The following SGCZ variants were observed in gnomAD, a reference collection of about 807,000 sequenced individuals.
SGCZ encodes sarcoglycan zeta, also known as zeta-sarcoglycan.
SGCZ carries 40 observed loss-of-function variants against 41.3 expected under a neutral mutation model. The observed-to-expected ratio is 0.97, with a 90% CI of 0.75 to 1.26. SGCZ has a LOEUF of 1.26. SGCZ is among the 50% of genes most tolerant of loss of function. The pLI is 0.00. For synonymous variants in SGCZ, 206 were observed against 137.5 expected, an observed-to-expected ratio of 1.50 and a Z score of -3.49; for missense variants, 552 against 369.8, an observed-to-expected ratio of 1.49 and a Z score of -4.04.
chr8:14,616,151 C>T (rs1417290694), intron 1 of SGCZ, among the ~76,000 whole-genome samples: 3 of 151,820 alleles, frequency 2.0e-5, no homozygotes, highest in South Asian at 2.1e-4. Context: ...GGCGTGGGAG[C>T]GGGCGCCTCT....
chr8:14,479,731 C>CTTCTTT (rs1421864084), intron 2 of SGCZ, among the ~76,000 whole-genome samples: 2 of 52,976 alleles, frequency 3.8e-5, no homozygotes, highest in African/African-American at 1.0e-4. Context: ...AATTCTACTT[C>CTTCTTT]TTTTTTTTTT....
intron 1 of SGCZ, among the ~76,000 whole-genome samples, chr8:15,066,133 C>G (rs1241222726): frequency 6.6e-6 from 1 of 151,484 alleles, no homozygotes; most frequent in African/African-American, 2.4e-5. Context: ...AAGGTGAAAC[C>G]CCGTCTCTAC....
At chr8:14,432,612 A>G (rs1466027123) in intron 2 of SGCZ, among the ~76,000 whole-genome samples, 1 of 152,112 alleles carries the variant, frequency 6.6e-6, no homozygotes, top group Non-Finnish European at 1.5e-5. Flanking sequence ...AATCTCACAA[A>G]TCCCTACTAA....
rs1189842953 is a variant in SGCZ, at chr8:14,325,743, CACACATATATATATATATATAT to C, written c.235-1561_235-1540del. ...ATACACACACACACACACACACACA[CACACATATATATATATATATAT>C]ATATATATATATATATATATATATA... On this transcript the variant is annotated intron_variant, in intron 2 of 7. Coordinates refer to ENST00000382080, the MANE Select transcript of SGCZ (RefSeq NM_139167.4). 2.7e-3 allele frequency among the ~76,000 whole-genome samples: 179 copies of C among 66,850 alleles called. 1 individual carries two copies. The highest frequency in any genetic ancestry group is 4.3e-3 in the South Asian group (9 of 2,114). 43.9% of individuals were successfully genotyped at this position (66,850 alleles called of 152,430 possible). A position where few individuals can be genotyped will look rare whatever the true frequency, so the allele number is the denominator to read the frequency against.
chr8:15,129,073 A>T (rs1807806366), intron 1 of SGCZ, among the ~76,000 whole-genome samples: 1 of 152,130 alleles, frequency 6.6e-6, no homozygotes. Context: ...ACCTATAATC[A>T]TCCCTTTCAC....
intron 2 of SGCZ, among the ~76,000 whole-genome samples, chr8:14,499,582 T>A (rs1405151725): frequency 1.3e-5 from 2 of 152,080 alleles, no homozygotes; most frequent in Non-Finnish European, 2.9e-5. Flanking sequence ...TTTACTGTAT[T>A]TTCAAGCTAG....
At chr8:14,537,927 T>C (rs1451344679) in intron 2 of SGCZ, among the ~76,000 whole-genome samples, 1 of 151,912 alleles carries the variant, frequency 6.6e-6, no homozygotes, top group Non-Finnish European at 1.5e-5. Context: ...CAGGTACAAC[T>C]CTTTCGTTTG....
intron 1 of SGCZ, among the ~76,000 whole-genome samples, chr8:14,829,152 T>C (rs550491385): frequency 8.3e-6 from 1 of 119,936 alleles, no homozygotes; most frequent in Admixed American, 8.0e-5. Context: ...GGTATGAAGG[T>C]CAGTACCGAT....
intron 2 of SGCZ, among the ~76,000 whole-genome samples, chr8:14,409,251 G>C (rs1307663874): frequency 6.6e-6 from 1 of 152,036 alleles, no homozygotes; most frequent in African/African-American, 2.4e-5. Context: ...AAGGCCTTTA[G>C]ACAGTGACTC....
chr8:14,250,650 A>C (rs1463733667), intron 3 of SGCZ, among the ~76,000 whole-genome samples: 1 of 152,172 alleles, frequency 6.6e-6, no homozygotes, highest in Non-Finnish European at 1.5e-5. Flanking sequence ...TGGATTGTGT[A>C]GTGACAGATA....
chr8:14,136,418 G>C (rs1803200212), intron 5 of SGCZ, among the ~76,000 whole-genome samples: 1 of 152,114 alleles, frequency 6.6e-6, no homozygotes, highest in Non-Finnish European at 1.5e-5. Flanking sequence ...GTGACAGATG[G>C]TACCTTGAAA....
chr8:15,064,137 T>A (rs1805037581), intron 1 of SGCZ, among the ~76,000 whole-genome samples: 1 of 152,128 alleles, frequency 6.6e-6, no homozygotes, highest in African/African-American at 2.4e-5. Flanking sequence ...TATTCCTGGG[T>A]GATTTTATTT....
At chr8:14,659,303 G>C (rs1246164905) in intron 1 of SGCZ, among the ~76,000 whole-genome samples, 1 of 152,050 alleles carries the variant, frequency 6.6e-6, no homozygotes, top group East Asian at 1.9e-4. Flanking sequence ...AACCCGATTT[G>C]ATCATCACAC....
chr8:14,723,100 A>C (rs1272944481), intron 1 of SGCZ, among the ~76,000 whole-genome samples: 3 of 152,170 alleles, frequency 2.0e-5, no homozygotes, highest in African/African-American at 4.8e-5. Flanking sequence ...TTAAGTCAAA[A>C]ATAAGATCAC....
At chr8:14,679,822 G>A (rs1808386854) in intron 1 of SGCZ, among the ~76,000 whole-genome samples, 1 of 151,710 alleles carries the variant, frequency 6.6e-6, no homozygotes, top group African/African-American at 2.4e-5. Context: ...CTCCTTTCAT[G>A]GTAAGTTTCC....
rs530232293 is a variant in SGCZ at position 14,922,485 on chromosome 8, G to A, written c.39+315100C>T. On this transcript the variant is annotated intron_variant, in intron 1 of 7. Coordinates refer to ENST00000382080, the MANE Select transcript of SGCZ (RefSeq NM_139167.4). ...TTGTTATTTTTTGAGATGGAGTTTC[G>A]CTCTTGTTGCCCAGGCTGGAGTGCA... is the stretch of plus-strand genomic sequence containing the variant. Among the ~76,000 whole-genome samples, 158 of 151,554 alleles carry A rather than the reference G, an allele frequency of 1.0e-3. 1 individual carries two copies. Among genetic ancestry groups the A allele is most frequent in the Admixed American group, 2.6e-3 (40 of 15,220 alleles).
chr8:14,953,041 G>A (rs190668416), intron 1 of SGCZ, among the ~76,000 whole-genome samples: 82 of 152,126 alleles, frequency 5.4e-4, no homozygotes, highest in African/African-American at 1.9e-3. Context: ...AATAAGCATA[G>A]GCATACACAG....
At chr8:14,433,008 A>G (rs995169624) in intron 2 of SGCZ, among the ~76,000 whole-genome samples, 3 of 151,794 alleles carry the variant, frequency 2.0e-5, no homozygotes, top group African/African-American at 4.8e-5. Flanking sequence ...AAAACTAAAG[A>G]AAAAAAACAT....
At chr8:14,661,853 A>G (rs1206578043) in intron 1 of SGCZ, among the ~76,000 whole-genome samples, 1 of 151,046 alleles carries the variant, frequency 6.6e-6, no homozygotes, top group Admixed American at 6.6e-5. Flanking sequence ...AAAAAAAAAG[A>G]TAGCAGGAAA....
Sources: allele counts gnomAD v4.1 joint callset (sites outside exome capture counted in the v4.1 genomes callset), GRCh38; gene constraint gnomAD v4.1.1; transcripts MANE v1.5; gene names NCBI Gene and HGNC (gene_info 2026-07-23, HGNC 2026-07-21).